RNASEH1: variants seen among roughly 807,000 people sequenced by gnomAD.
RNASEH1 encodes the protein ribonuclease H type II.
Under a neutral mutation model 34.6 loss-of-function variants are expected in RNASEH1, and 27 were observed. The observed-to-expected ratio is 0.78, with a 90% CI of 0.58 to 1.08. The LOEUF (loss-of-function observed/expected upper bound fraction) is 1.08, where lower values mean the gene tolerates loss of function less well. Ranked by LOEUF, RNASEH1 falls within the 50% of genes least tolerant of loss-of-function variation. The pLI is 0.00. For synonymous variants in RNASEH1, 162 were observed against 138.4 expected, an observed-to-expected ratio of 1.17 and a Z score of -1.20; for missense variants, 349 against 373.6, an observed-to-expected ratio of 0.93 and a Z score of 0.54.
In RNASEH1 at chr2:3,547,952, G is replaced by C. The variant is rs746934388; in HGVS notation, c.753C>G (p.Thr251=). ...KEDFVALERL[T]QGMDIQWMHV... is the part of the protein sequence containing the mutation. ...TCACCCACTGAATGTCCATCCCCTG[G>C]GTAAGCCTCTCCAGTGCCACAAAGT... Residue 251 remains threonine (T), a synonymous_variant, in exon 7 of 8, where the codon ACC becomes ACG. Coordinates refer to ENST00000315212, the MANE Select transcript of RNASEH1 (RefSeq NM_002936.6). The C allele has an allele frequency of 1.2e-6, 2 of 1,613,482 alleles. No individual in the cohort carries two copies. Among genetic ancestry groups the C allele is most frequent in the Non-Finnish European group, 1.7e-6 (2 of 1,179,756 alleles).
Position 3,545,712 on chromosome 2 carries a change from T to C in RNASEH1, c.*73A>G. ...TGCAATGGTCCTACCTGCAGGCTAT[T>C]TTCCACACCAGTAAGTACAGGCAGC... On this transcript the variant is annotated 3_prime_UTR_variant, in exon 8 of 8. Coordinates refer to ENST00000315212, the MANE Select transcript of RNASEH1 (RefSeq NM_002936.6). The C allele has an allele frequency of 9.8e-7, 1 of 1,024,776 alleles. No individual in the cohort carries two copies. The highest frequency in any genetic ancestry group is 1.6e-6 in the Non-Finnish European group (1 of 642,578). The allele number at this position is 1,024,776 out of a possible 1,614,324, so 63.5% of individuals were successfully genotyped here.
intron 7 of RNASEH1, 136 bp from the exon 8 acceptor site, chr2:3,546,007 A>G (rs1224629178): frequency 4.5e-6 from 3 of 673,266 alleles, no homozygotes; most frequent in Non-Finnish European, 5.4e-6. Flanking sequence ...CTCCCCAGAC[A>G]TGATCCTCAA....
chr2:3,550,142 TAAAAAAAAAAAAAA>T, intron 4 of RNASEH1: 2 of 240,758 alleles, frequency 8.3e-6, no homozygotes, highest in Non-Finnish European at 1.5e-5. Flanking sequence ...GACCGTGTCT[TAAAAAAAAAAAAAA>T]AAAAAAAAAA....
the RNASEH1 span, chr2:3,531,827 G>A: frequency 6.4e-6 from 1 of 155,100 alleles, no homozygotes; most frequent in Non-Finnish European, 1.4e-5. Context: ...ATGTTTTGAA[G>A]AGTGTTTATT....
At chr2:3,540,881 G>A (rs1228636716), downstream of RNASEH1, among the ~76,000 whole-genome samples, 56 of 152,044 alleles carry the variant, frequency 3.7e-4, no homozygotes, top group Non-Finnish European at 2.9e-5. Context: ...CCTAAAAACA[G>A]AACTACTAAA....
the RNASEH1 span, among the ~76,000 whole-genome samples, chr2:3,535,502 T>G: frequency 6.6e-6 from 1 of 152,008 alleles, no homozygotes; most frequent in Admixed American, 6.6e-5. Flanking sequence ...AGAAATCAAT[T>G]TTTTACAAAG....
downstream of RNASEH1, chr2:3,536,833 TTC>T: frequency 6.6e-6 from 1 of 152,270 alleles, no homozygotes; most frequent in Admixed American, 6.5e-5. Flanking sequence ...CAGGTCAAGG[TTC>T]CCGCTGGTTC....
At chr2:3,537,572 T>C (rs1668048496), downstream of RNASEH1, among the ~76,000 whole-genome samples, 1 of 151,714 alleles carries the variant, frequency 6.6e-6, no homozygotes, top group Admixed American at 6.6e-5. Flanking sequence ...AAAATAAAAA[T>C]TAGCTGGGAA....
chr2:3,539,876 C>T (rs114811806), downstream of RNASEH1, among the ~76,000 whole-genome samples: 1,445 of 152,234 alleles, frequency 9.5e-3, 26 homozygotes, highest in African/African-American at 0.033. Flanking sequence ...ATCAGGAGTG[C>T]AGCTTTCATT....
downstream of RNASEH1, among the ~76,000 whole-genome samples, chr2:3,541,019 A>C (rs559646852): frequency 6.6e-6 from 1 of 152,246 alleles, no homozygotes; most frequent in African/African-American, 2.4e-5. Context: ...TCACACTTGG[A>C]AAAGTTTCAC....
chr2:3,548,760 A>C, intron 5 of RNASEH1, 36 bp from the exon 6 acceptor site: 1 of 1,466,224 alleles, frequency 6.8e-7, no homozygotes, highest in Non-Finnish European at 9.6e-7. Context: ...GCTACAGAAA[A>C]TGTTCAACTC....
intron 2 of RNASEH1, 90 bp downstream of exon 2, chr2:3,556,699 C>A: frequency 1.2e-6 from 1 of 802,380 alleles, no homozygotes; most frequent in Admixed American, 2.2e-5. Flanking sequence ...CCCTACATGC[C>A]TAGAGGGTAG....
At chr2:3,558,077 G>A in intron 1 of RNASEH1, 56 bp downstream of exon 1, 3 of 1,527,312 alleles carry the variant, frequency 2.0e-6, no homozygotes, top group Non-Finnish European at 1.8e-6. Flanking sequence ...GCCGGGCTCC[G>A]GCCTCCCTCG....
rs1668338220 is a variant in RNASEH1, at chr2:3,541,912, G to A, written c.*3873C>T. On this transcript the variant is annotated 3_prime_UTR_variant, in exon 8 of 8. Transcript: ENST00000315212. Reference sequence around the variant, plus strand: ...TCACACCTGTAATCCCAGCACTTTGGGAGGCCAAGGAAGGAGGATCGCTTG... The same window carrying A: ...TCACACCTGTAATCCCAGCACTTTGAGAGGCCAAGGAAGGAGGATCGCTTG... Among the ~76,000 whole-genome samples, 1 of 152,204 alleles carries A rather than the reference G, an allele frequency of 6.6e-6. No homozygotes were observed. The highest frequency in any genetic ancestry group is 2.1e-4 in the South Asian group (1 of 4,826).
chr2:3,532,007 GT>G, the RNASEH1 span: 1 of 515,704 alleles, frequency 1.9e-6, no homozygotes, highest in African/African-American at 1.9e-5. Context: ...ACAGAGAAAG[GT>G]TTATTCCATT....
intron 7 of RNASEH1, among the ~76,000 whole-genome samples, chr2:3,546,508 G>A (rs1281990557): frequency 6.6e-6 from 1 of 152,202 alleles, no homozygotes. Context: ...AAAATACACT[G>A]ATAGTTTTAT....
downstream of RNASEH1, among the ~76,000 whole-genome samples, chr2:3,538,408 G>A (rs767849218): frequency 2.6e-5 from 4 of 151,588 alleles, no homozygotes; most frequent in Non-Finnish European, 5.9e-5. Context: ...ATACAAAGAC[G>A]CACACCCCAG....
chr2:3,557,971 C>A, intron 1 of RNASEH1, 162 bp downstream of exon 1: 1 of 1,495,958 alleles, frequency 6.7e-7, no homozygotes. Context: ...CCTGGAACCC[C>A]GCCGGCCGAG....
chr2:3,541,343 GA>G (rs902210241), downstream of RNASEH1, among the ~76,000 whole-genome samples: 11 of 148,750 alleles, frequency 7.4e-5, no homozygotes, highest in Non-Finnish European at 1.3e-4. Context: ...AAAAAAAAAA[GA>G]AAAAAAGAGC....
Sources: gnomAD v4.1 joint callset for allele counts (sites outside exome capture counted in the v4.1 genomes callset) on GRCh38, gnomAD v4.1.1 for gene constraint, MANE v1.5 for transcripts, NCBI Gene and HGNC (gene_info 2026-07-23, HGNC 2026-07-21) for gene names.